The following LRP5 variants were observed in gnomAD, a reference collection of about 807,000 sequenced individuals.
The protein encoded by LRP5 is low-density lipoprotein receptor-related protein 5.
LRP5 carries 62 observed loss-of-function variants against 154.1 expected under a neutral mutation model. The observed-to-expected ratio is 0.40, with a 90% CI of 0.33 to 0.50. The LOEUF is 0.50. LRP5 is among the 20% of genes least tolerant of loss of function. LRP5 has a pLI of 0.55. For missense variants in LRP5, 1,915 were observed against 2,336.7 expected (o/e 0.82, Z 3.72); for synonymous variants, 966 against 1,011.5 (o/e 0.96, Z 0.85).
chr11:68,365,945 T>C (rs2098630825), intron 5 of LRP5, among the ~76,000 whole-genome samples: 1 of 152,318 alleles, frequency 6.6e-6, no homozygotes, highest in East Asian at 1.9e-4. Context: ...TATTTTCCAC[T>C]TTTTTACTCT....
In LRP5 at chr11:68,426,114, G is replaced by A. The variant is rs117289001; in HGVS notation, c.3564G>A (p.Arg1188=). The A allele has an allele frequency of 0.011, 17,756 of 1,613,322 alleles. 113 individuals carry two copies. Among genetic ancestry groups the A allele is most frequent in the Non-Finnish European group, 0.013 (15,872 of 1,180,024 alleles). ...TGGAGAAGACCACCGGGGACAAGCG[G>A]ACTCGCATCCAGGGCCGTGTCGCCC... The part of the protein sequence containing the change: ...ERVEKTTGDK[R]TRIQGRVAHL... The change falls in exon 16 of 23, where the codon CGG becomes CGA. Residue 1188 remains arginine (R), a synonymous_variant. Transcript: ENST00000294304.
intron 7 of LRP5, among the ~76,000 whole-genome samples, chr11:68,395,399 G>A (rs116811199): frequency 7.2e-5 from 11 of 152,180 alleles, no homozygotes; most frequent in Non-Finnish European, 1.2e-4. Context: ...CCACCCTGTG[G>A]TCATGCACTG....
chr11:68,387,683 C>T (rs2153153825), intron 6 of LRP5, among the ~76,000 whole-genome samples: 1 of 152,332 alleles, frequency 6.6e-6, no homozygotes, highest in African/African-American at 2.4e-5. Context: ...TAGCCAGGGG[C>T]CTTCCTGGGG....
intron 6 of LRP5, among the ~76,000 whole-genome samples, chr11:68,388,973 T>G (rs1163833200): frequency 2.6e-5 from 4 of 152,194 alleles, no homozygotes; most frequent in Non-Finnish European, 4.4e-5. Flanking sequence ...CACCGACATT[T>G]ACCGACACTG....
intron 1 of LRP5, among the ~76,000 whole-genome samples, chr11:68,334,031 C>T (rs113762535): frequency 0.022 from 3,308 of 152,168 alleles, 120 homozygotes; most frequent in African/African-American, 0.075. Flanking sequence ...GTCAGGAGTT[C>T]GAGACCAGCC....
intron 11 of LRP5, among the ~76,000 whole-genome samples, chr11:68,412,380 C>T (rs933368359): frequency 2.0e-5 from 3 of 152,106 alleles, no homozygotes; most frequent in African/African-American, 7.2e-5. Flanking sequence ...GTGGCTGACA[C>T]CTCTAATCCC....
intron 21 of LRP5, among the ~76,000 whole-genome samples, chr11:68,443,331 C>T (rs1250571112): frequency 3.3e-5 from 5 of 150,172 alleles, no homozygotes; most frequent in Non-Finnish European, 1.5e-5. Flanking sequence ...GGAGAAACCC[C>T]GTCTCTAGTA....
At chr11:68,394,482 T>G (rs1215602676) in intron 7 of LRP5, among the ~76,000 whole-genome samples, 1 of 148,238 alleles carries the variant, frequency 6.7e-6, no homozygotes, top group Admixed American at 6.6e-5. Context: ...TTTTTTTTTT[T>G]TGAGGTGGAG....
At chr11:68,441,068 T>TTTTTC (rs1036857593) in intron 21 of LRP5, among the ~76,000 whole-genome samples, 69 of 151,660 alleles carry the variant, frequency 4.5e-4, no homozygotes, top group African/African-American at 1.5e-3. Flanking sequence ...GCACCTGGCC[T>TTTTTC]TTTTCTTTTC....
At chr11:68,414,693 A>G (rs2098661520) in intron 12 of LRP5, among the ~76,000 whole-genome samples, 2 of 152,192 alleles carry the variant, frequency 1.3e-5, no homozygotes, top group Admixed American at 6.5e-5. Flanking sequence ...TTCCCTACGC[A>G]GAACTTGATA....
intron 21 of LRP5, among the ~76,000 whole-genome samples, chr11:68,445,401 G>A (rs896760366): frequency 2.0e-5 from 3 of 152,190 alleles, no homozygotes; most frequent in Non-Finnish European, 2.9e-5. Flanking sequence ...AAGAAACTGA[G>A]GCTGAGGTAA....
intron 13 of LRP5, among the ~76,000 whole-genome samples, chr11:68,417,090 G>A (rs1181134058): frequency 6.6e-6 from 1 of 152,178 alleles, no homozygotes; most frequent in Admixed American, 6.5e-5. Context: ...CTGTGCATTC[G>A]TAAACGTTAA....
rs976943001 is a variant in LRP5 at position 68,410,469 on chromosome 11, C to T, written c.2318+329C>T. 6.6e-5 allele frequency among the ~76,000 whole-genome samples: 10 copies of T among 152,306 alleles called. No individual in the cohort carries two copies. In the East Asian group the frequency reaches 1.9e-3, roughly 29 times the overall value. ...CAGGCTCAGAGAAACCGAGTGACTT[C>T]CCTAAGGTCACATACCCAGTTAGAG... On this transcript the variant is annotated intron_variant, in intron 10 of 22. Coordinates refer to ENST00000294304, the MANE Select transcript of LRP5 (RefSeq NM_002335.4).
chr11:68,316,989 G>T (rs1206649965), intron 1 of LRP5, among the ~76,000 whole-genome samples: 2 of 152,274 alleles, frequency 1.3e-5, no homozygotes, highest in Non-Finnish European at 2.9e-5. Context: ...GGGAGCCGGG[G>T]CTACATCCAG....
chr11:68,438,812 A>G, intron 20 of LRP5, 130 bp downstream of exon 20: 1 of 785,962 alleles, frequency 1.3e-6, no homozygotes, highest in Non-Finnish European at 2.0e-6. Context: ...AATCGATCAC[A>G]GCATTCAGCC....
chr11:68,352,223 T>A (rs1347455417), intron 2 of LRP5, among the ~76,000 whole-genome samples: 1 of 152,056 alleles, frequency 6.6e-6, no homozygotes, highest in Non-Finnish European at 1.5e-5. Context: ...AGATTTGGGA[T>A]CTGTTCTGAA....
chr11:68,339,370 C>T (rs191592927), intron 1 of LRP5, among the ~76,000 whole-genome samples: 19 of 151,900 alleles, frequency 1.3e-4, no homozygotes, highest in South Asian at 4.2e-4. Context: ...TTTTCCGAAA[C>T]GGAATTTTGG....
intron 17 of LRP5, among the ~76,000 whole-genome samples, chr11:68,430,930 G>C (rs1457488478): frequency 6.6e-6 from 1 of 152,188 alleles, no homozygotes; most frequent in Non-Finnish European, 1.5e-5. Flanking sequence ...CTGTGAAATT[G>C]AGAGCACTTA....
chr11:68,345,257 G>A (rs893374846), intron 1 of LRP5, among the ~76,000 whole-genome samples: 1 of 151,884 alleles, frequency 6.6e-6, no homozygotes, highest in Non-Finnish European at 1.5e-5. Flanking sequence ...GGGACGCTTG[G>A]GTTGCTTCCA....
Sources: allele counts gnomAD v4.1 joint callset (sites outside exome capture counted in the v4.1 genomes callset), GRCh38; gene constraint gnomAD v4.1.1; transcripts MANE v1.5; gene names NCBI Gene and HGNC (gene_info 2026-07-23, HGNC 2026-07-21).